LPP: variants seen among roughly 807,000 people sequenced by gnomAD.
The protein encoded by LPP is LIM domain containing preferred translocation partner in lipoma.
A neutral mutation model predicts 60.4 loss-of-function variants in LPP; 38 were observed. That is an observed-to-expected ratio of 0.63 (90% CI 0.49 to 0.83). LPP has a LOEUF of 0.83. Ranked by LOEUF, LPP falls within the 40% of genes least tolerant of loss-of-function variation. The pLI, the probability that LPP is intolerant of heterozygous loss-of-function variation, is 0.00. For synonymous variants in LPP, 328 were observed against 290.8 expected, an observed-to-expected ratio of 1.13 and a Z score of -1.30; for missense variants, 902 against 783.6, an observed-to-expected ratio of 1.15 and a Z score of -1.80.
intron 9 of LPP, among the ~76,000 whole-genome samples, chr3:188,819,360 C>A (rs933233180): frequency 2.2e-4 from 33 of 151,856 alleles, no homozygotes; most frequent in Middle Eastern, 3.4e-3. Context: ...ATCTTTACAT[C>A]CATGTGTACC....
chr3:188,478,239 C>T (rs1207475044), intron 4 of LPP, among the ~76,000 whole-genome samples: 1 of 152,102 alleles, frequency 6.6e-6, no homozygotes, highest in Non-Finnish European at 1.5e-5. Context: ...AAAGCATTGT[C>T]ATGTATAATG....
At chr3:188,757,136 C>T (rs1434661444) in intron 8 of LPP, among the ~76,000 whole-genome samples, 1 of 152,244 alleles carries the variant, frequency 6.6e-6, no homozygotes, top group African/African-American at 2.4e-5. Context: ...TTTCCTTCCA[C>T]ATTCCATAGC....
chr3:188,866,148 G>T, intron 9 of LPP, 52 bp from the exon 10 acceptor site: 1 of 1,386,276 alleles, frequency 7.2e-7, no homozygotes, highest in Admixed American at 2.6e-5. Context: ...CTGTCATGCA[G>T]TATGGACCCC....
chr3:188,448,594 A>G (rs1386273859), intron 4 of LPP, among the ~76,000 whole-genome samples: 1 of 152,138 alleles, frequency 6.6e-6, no homozygotes, highest in African/African-American at 2.4e-5. Flanking sequence ...AATCAGAAAG[A>G]CGATCTCTGT....
intron 4 of LPP, among the ~76,000 whole-genome samples, chr3:188,483,612 A>AT (rs1805438285): frequency 6.6e-6 from 1 of 152,210 alleles, no homozygotes; most frequent in African/African-American, 2.4e-5. Flanking sequence ...CAGGAACCAT[A>AT]AAGCTCTTGG....
chr3:188,779,333 C>T (rs540395774), intron 9 of LPP, among the ~76,000 whole-genome samples: 4 of 152,130 alleles, frequency 2.6e-5, no homozygotes, highest in South Asian at 4.2e-4. Flanking sequence ...TCATTTAGTA[C>T]GATTGACAGT....
intron 6 of LPP, among the ~76,000 whole-genome samples, chr3:188,530,072 A>G (rs923985302): frequency 1.3e-5 from 2 of 151,826 alleles, no homozygotes; most frequent in South Asian, 2.1e-4. Context: ...TGAGAAAGTC[A>G]AGGAACGTGG....
intron 9 of LPP, among the ~76,000 whole-genome samples, chr3:188,851,246 A>G (rs1201725946): frequency 6.6e-6 from 1 of 152,248 alleles, no homozygotes; most frequent in Non-Finnish European, 1.5e-5. Context: ...CTATGATTCT[A>G]TGTGAAGTTC....
chr3:188,432,551 T>G (rs527499270), intron 4 of LPP, among the ~76,000 whole-genome samples: 1 of 152,232 alleles, frequency 6.6e-6, no homozygotes, highest in African/African-American at 2.4e-5. Context: ...TGTGTGAATT[T>G]GACCTACGGC....
At chr3:188,530,507 T>A (rs1042363665) in intron 6 of LPP, among the ~76,000 whole-genome samples, 1 of 152,162 alleles carries the variant, frequency 6.6e-6, no homozygotes, top group Non-Finnish European at 1.5e-5. Context: ...TCCAGCTCAC[T>A]TAGCCAAACT....
chr3:188,732,606 T>C (rs1721021597), intron 8 of LPP, among the ~76,000 whole-genome samples: 1 of 150,558 alleles, frequency 6.6e-6, no homozygotes, highest in Non-Finnish European at 1.5e-5. Flanking sequence ...TAATCCCAGC[T>C]ACTTGGGAGG....
chr3:188,843,513 C>T (rs113407319), intron 9 of LPP, among the ~76,000 whole-genome samples: 30 of 152,222 alleles, frequency 2.0e-4, no homozygotes, highest in African/African-American at 7.2e-4. Context: ...CTGGGCTGGG[C>T]GCGGTGGCTC....
At chr3:188,670,978 G>T (rs898928025) in intron 7 of LPP, among the ~76,000 whole-genome samples, 9 of 152,064 alleles carry the variant, frequency 5.9e-5, no homozygotes, top group Non-Finnish European at 8.8e-5. Context: ...ACCCAATAGG[G>T]CAATTTCAGT....
At chr3:188,651,540 A>C (rs548031431) in intron 7 of LPP, among the ~76,000 whole-genome samples, 1 of 152,210 alleles carries the variant, frequency 6.6e-6, no homozygotes, top group Admixed American at 6.5e-5. Context: ...TGATAAAGAC[A>C]TACCTGAGAC....
intron 9 of LPP, among the ~76,000 whole-genome samples, chr3:188,851,538 A>G (rs572334035): frequency 1.1e-3 from 173 of 152,310 alleles, no homozygotes; most frequent in African/African-American, 3.9e-3. Flanking sequence ...ATTATTGCTC[A>G]TATGCTCTAG....
chr3:188,797,246 C>A (rs3846186), intron 9 of LPP, among the ~76,000 whole-genome samples: 1 of 151,870 alleles, frequency 6.6e-6, no homozygotes, highest in African/African-American at 2.4e-5. Context: ...AAGTCAATAG[C>A]GTGAGAAGTC....
chr3:188,747,206 C>T (rs1268136445), intron 8 of LPP, among the ~76,000 whole-genome samples: 1 of 152,134 alleles, frequency 6.6e-6, no homozygotes, highest in African/African-American at 2.4e-5. Context: ...GCTTTCCATG[C>T]CTTTCTTCTG....
At chr3:188,378,134 G>C (rs1040550806) in intron 3 of LPP, among the ~76,000 whole-genome samples, 4 of 152,234 alleles carry the variant, frequency 2.6e-5, no homozygotes, top group African/African-American at 9.6e-5. Context: ...GTGCCTCCCA[G>C]TTAGGCTACT....
At chr3:188,509,729 G>C (rs919023789) in intron 5 of LPP, among the ~76,000 whole-genome samples, 9 of 130,932 alleles carry the variant, frequency 6.9e-5, no homozygotes, top group African/African-American at 2.6e-4. Flanking sequence ...GTCTCACTCT[G>C]TCGCCCAGGC....
Sources: allele counts gnomAD v4.1 joint callset (sites outside exome capture counted in the v4.1 genomes callset), GRCh38; gene constraint gnomAD v4.1.1; transcripts MANE v1.5; gene names NCBI Gene and HGNC (gene_info 2026-07-23, HGNC 2026-07-21).